SPATA22: variants seen among roughly 807,000 people sequenced by gnomAD.
SPATA22 encodes the protein spermatogenesis associated 22, also known as spermatogenesis-associated protein 22.
In SPATA22, 29 loss-of-function variants were observed where a neutral mutation model predicts 47.8. The observed-to-expected ratio is 0.61, with a 90% CI of 0.45 to 0.83. The LOEUF is 0.83. Ranked by LOEUF, SPATA22 falls within the 40% of genes least tolerant of loss-of-function variation. The probability of loss-of-function intolerance (pLI) is 0.00; values close to 1 mark genes in which losing one functional copy is unlikely to be tolerated. For missense variants in SPATA22, 410 were observed against 421.7 expected, an observed-to-expected ratio of 0.97 and a Z score of 0.24; for synonymous variants, 133 against 140.9, an observed-to-expected ratio of 0.94 and a Z score of 0.40.
At chr17:3,463,432 G>A (rs960420594) in intron 3 of SPATA22, among the ~76,000 whole-genome samples, 1 of 152,146 alleles carries the variant, frequency 6.6e-6, no homozygotes, top group Non-Finnish European at 1.5e-5. Flanking sequence ...TAACATAATA[G>A]TATTTGTGTA....
intron 1 of SPATA22, chr17:3,502,396 C>A (rs942764542): frequency 6.6e-6 from 1 of 152,168 alleles, no homozygotes; most frequent in Non-Finnish European, 1.5e-5. Flanking sequence ...TGAAATATCT[C>A]TGAGGTATGC....
Position 3,489,644 on chromosome 17 carries a change from A to C in SPATA22, c.-73-20246T>G, listed in dbSNP as rs12952852. On this transcript the variant is annotated intron_variant, in intron 1 of 8. Coordinates refer to the SPATA22 transcript ENST00000541913. ...CATCACTAGTAATTAGAGAAATGCA[A>C]ATTAAAATAAGAAGTCACTTCCCCC... Among the ~76,000 whole-genome samples, 61,471 of 152,082 alleles carry C rather than the reference A, an allele frequency of 0.4. 14,430 individuals are homozygous for C. Among genetic ancestry groups the C allele is most frequent in the Non-Finnish European group, 0.55 (37,453 of 67,946 alleles).
intron 1 of SPATA22, among the ~76,000 whole-genome samples, chr17:3,492,017 C>T (rs2073834951): frequency 6.6e-6 from 1 of 151,624 alleles, no homozygotes; most frequent in South Asian, 2.1e-4. Context: ...GCTGGGACTA[C>T]AGGCGTGCAC....
intron 3 of SPATA22, 92 bp from the exon 4 acceptor site, chr17:3,462,859 A>C: frequency 9.4e-7 from 1 of 1,068,976 alleles, no homozygotes; most frequent in Non-Finnish European, 1.4e-6. Context: ...AGGGTTTAAA[A>C]ACTTGAAGAA....
chr17:3,489,252 C>T lies in SPATA22; in HGVS notation c.-73-19854G>A, dbSNP rs1485077012. 1 of 1,612,208 alleles carries T rather than the reference C, an allele frequency of 6.2e-7. No homozygotes were observed. Among genetic ancestry groups the T allele is most frequent in the Non-Finnish European group, 8.5e-7 (1 of 1,179,446 alleles). On this transcript the variant is annotated intron_variant, in intron 1 of 8. Coordinates refer to the SPATA22 transcript ENST00000541913. ...GTACCTAGGTATAGAAGTTGGTCCTCAGCCTCAAGGGGTTCTGAGAGCTGA... is the reference window on the plus strand; with the variant it reads ...GTACCTAGGTATAGAAGTTGGTCCTTAGCCTCAAGGGGTTCTGAGAGCTGA...
intron 1 of SPATA22, among the ~76,000 whole-genome samples, chr17:3,469,853 A>C (rs977971075): frequency 6.6e-6 from 1 of 152,142 alleles, no homozygotes; most frequent in African/African-American, 2.4e-5. Flanking sequence ...CCTGGATTAT[A>C]TAATATCAAA....
intron 2 of SPATA22, 103 bp from the exon 3 acceptor site, chr17:3,467,657 T>C (rs2073346462): frequency 2.6e-6 from 2 of 778,412 alleles, no homozygotes; most frequent in Non-Finnish European, 3.7e-6. Flanking sequence ...TATCTACTTC[T>C]ATATGCTAAT....
At chr17:3,499,334 G>A (rs769255741) in intron 1 of SPATA22, 16 of 333,254 alleles carry the variant, frequency 4.8e-5, no homozygotes, top group Non-Finnish European at 8.0e-5. Flanking sequence ...CATGATACTT[G>A]GGTAGCTCAA....
intron 1 of SPATA22, chr17:3,499,213 T>C (rs2150764486): frequency 2.2e-6 from 2 of 916,152 alleles, no homozygotes; most frequent in South Asian, 1.9e-5. Context: ...CCTTATTCGG[T>C]AGGCATCTAA....
At chr17:3,475,943 T>A (rs538501681), upstream of SPATA22, 3 of 572,178 alleles carry the variant, frequency 5.2e-6, no homozygotes, top group Non-Finnish European at 6.2e-6. Flanking sequence ...CATATTTTAA[T>A]CCAAATATGG....
chr17:3,482,836 A>C, intron 1 of SPATA22, among the ~76,000 whole-genome samples: 1 of 149,364 alleles, frequency 6.7e-6, no homozygotes, highest in Non-Finnish European at 1.5e-5. Flanking sequence ...CATGTGCACC[A>C]TGTGCAGGTT....
chr17:3,470,093 C>CAAAAAA (rs57432043), intron 1 of SPATA22, among the ~76,000 whole-genome samples: 1,139 of 54,148 alleles, frequency 0.021, 137 homozygotes, highest in African/African-American at 0.047. Flanking sequence ...GACTCCATCT[C>CAAAAAA]AAAAAAAAAA....
intron 7 of SPATA22, among the ~76,000 whole-genome samples, chr17:3,444,324 C>A (rs1484650336): frequency 6.6e-6 from 1 of 151,994 alleles, no homozygotes; most frequent in African/African-American, 2.4e-5. Flanking sequence ...CTGACTTAAT[C>A]CAATCAGCAT....
At chr17:3,459,871 TA>T (rs2073087190) in intron 5 of SPATA22, among the ~76,000 whole-genome samples, 1 of 152,228 alleles carries the variant, frequency 6.6e-6, no homozygotes, top group African/African-American at 2.4e-5. Flanking sequence ...GAAGGAGATC[TA>T]AAAGTTTAAA....
At chr17:3,474,178 A>G (rs2073488392), upstream of SPATA22, 1 of 152,262 alleles carries the variant, frequency 6.6e-6, no homozygotes, top group African/African-American at 2.4e-5. Context: ...AAACAAGGTA[A>G]GTATGGGAAA....
At chr17:3,461,196 T>G (rs958254641) in intron 5 of SPATA22, among the ~76,000 whole-genome samples, 13 of 152,308 alleles carry the variant, frequency 8.5e-5, no homozygotes, top group African/African-American at 3.1e-4. Context: ...ACTAAAAAAT[T>G]CCTGATTACC....
intron 5 of SPATA22, among the ~76,000 whole-genome samples, chr17:3,450,754 TC>T (rs2072840203): frequency 7.0e-6 from 1 of 142,670 alleles, no homozygotes; most frequent in South Asian, 2.2e-4. Flanking sequence ...TTTACAACTC[TC>T]TGTTCAGCAC....
At chr17:3,464,822 G>C (rs1341228957) in intron 3 of SPATA22, among the ~76,000 whole-genome samples, 1 of 136,586 alleles carries the variant, frequency 7.3e-6, no homozygotes, top group South Asian at 2.4e-4. Context: ...CCCTCCGCCC[G>C]GCAGCCACCC....
chr17:3,482,497 A>AGTGT (rs1468217055), intron 1 of SPATA22, among the ~76,000 whole-genome samples: 1 of 152,206 alleles, frequency 6.6e-6, no homozygotes, highest in Non-Finnish European at 1.5e-5. Flanking sequence ...GAGAGGAAAG[A>AGTGT]GTGTGGCCTG....
Sources: gnomAD v4.1 joint callset for allele counts (sites outside exome capture counted in the v4.1 genomes callset) on GRCh38, gnomAD v4.1.1 for gene constraint, MANE v1.5 for transcripts, NCBI Gene and HGNC (gene_info 2026-07-23, HGNC 2026-07-21) for gene names.